BLK: variants seen among roughly 807,000 people sequenced by gnomAD.
BLK encodes the protein BLK proto-oncogene, Src family tyrosine kinase, also known as tyrosine-protein kinase Blk.
BLK carries 64 observed loss-of-function variants against 61.8 expected under a neutral mutation model. That is an observed-to-expected ratio of 1.03 (90% CI 0.85 to 1.27). The LOEUF (loss-of-function observed/expected upper bound fraction) is 1.27, where lower values mean the gene tolerates loss of function less well. BLK is among the 50% of genes most tolerant of loss of function. The pLI is 0.00. For synonymous variants in BLK, 351 were observed against 272.0 expected (o/e 1.29, Z -2.86); for missense variants, 853 against 660.5 (o/e 1.29, Z -3.19).
intron 8 of BLK, 112 bp from the exon 9 acceptor site, chr8:11,556,546 C>G (rs1041564478): frequency 1.5e-6 from 2 of 1,309,532 alleles, no homozygotes; most frequent in Non-Finnish European, 2.2e-6. Flanking sequence ...TGTTCCAGCT[C>G]TGGCACCTGG....
intron 1 of BLK, among the ~76,000 whole-genome samples, chr8:11,512,264 G>C (rs554613566): frequency 1.3e-5 from 2 of 152,194 alleles, no homozygotes; most frequent in African/African-American, 4.8e-5. Flanking sequence ...TCTTCAAGCA[G>C]ACCTGTGGAG....
chr8:11,528,159 C>T (rs1214984305), intron 1 of BLK, among the ~76,000 whole-genome samples: 2 of 152,124 alleles, frequency 1.3e-5, no homozygotes, highest in Non-Finnish European at 2.9e-5. Flanking sequence ...ACCTCAGCCT[C>T]CCAAGTCATT....
intron 1 of BLK, among the ~76,000 whole-genome samples, chr8:11,505,439 A>G (rs1336221381): frequency 6.6e-6 from 1 of 152,130 alleles, no homozygotes. Flanking sequence ...GGTGACCTGG[A>G]CACTCATAAC....
At chr8:11,498,157 C>G (rs1798423857) in intron 1 of BLK, among the ~76,000 whole-genome samples, 2 of 152,210 alleles carry the variant, frequency 1.3e-5, no homozygotes, top group African/African-American at 4.8e-5. Context: ...GATGCTGAAC[C>G]TGGACCAGTG....
At chr8:11,558,636 G>A (rs986116205) in intron 10 of BLK, 10 of 455,880 alleles carry the variant, frequency 2.2e-5, no homozygotes, top group African/African-American at 1.4e-4. Flanking sequence ...CTGGTCCTCA[G>A]TGTCCCTCAC....
chr8:11,545,862 G>A, intron 2 of BLK, 190 bp from the exon 3 acceptor site: 1 of 697,982 alleles, frequency 1.4e-6, no homozygotes, highest in Non-Finnish European at 2.6e-6. Flanking sequence ...GCAGAGGGCG[G>A]GGGTCTGTCT....
chr8:11,539,831 G>C (rs1321091961), intron 1 of BLK, among the ~76,000 whole-genome samples: 1 of 151,996 alleles, frequency 6.6e-6, no homozygotes, highest in African/African-American at 2.4e-5. Flanking sequence ...TTACTATTTG[G>C]GTTTGTGTTG....
In BLK at chr8:11,549,043, G is replaced by C; in HGVS notation, c.289G>C (p.Ala97Pro). The C allele has an allele frequency of 6.2e-7, 1 of 1,610,100 alleles. No homozygotes were observed. The highest frequency in any genetic ancestry group is 2.2e-5 in the East Asian group (1 of 44,836). ...VLKGTGDWWL[A>P]RSLVTGREGY... The stretch of plus-strand genomic sequence containing the variant: ...CATTAGAACTGGAGACTGGTGGCTG[G>C]CCAGGTCACTCGTCACAGGAAGAGA... Residue 97 changes from alanine (A) to proline (P), a missense_variant, in exon 5 of 13, where the codon GCC (alanine) becomes CCC (proline). Ala to Pro is a conservative substitution (Grantham distance 27). Transcript: ENST00000259089.
chr8:11,552,368 T>TACATACATATACATAC (rs1265436641), intron 6 of BLK: 1 of 151,676 alleles, frequency 6.6e-6, no homozygotes, highest in African/African-American at 2.4e-5. Flanking sequence ...TGAATGCATA[T>TACATACATATACATAC]ACATACATAT....
At chr8:11,541,125 G>A (rs1370720114) in intron 1 of BLK, among the ~76,000 whole-genome samples, 1 of 152,040 alleles carries the variant, frequency 6.6e-6, no homozygotes, top group Non-Finnish European at 1.5e-5. Flanking sequence ...AATTTAGTAG[G>A]GCATGGTAGC....
chr8:11,535,740 C>T (rs1275624150), intron 1 of BLK, among the ~76,000 whole-genome samples: 1 of 152,208 alleles, frequency 6.6e-6, no homozygotes, highest in African/African-American at 2.4e-5. Flanking sequence ...CTGTGAGCCT[C>T]CTGGTAGGAT....
chr8:11,545,953 C>G lies in BLK; in HGVS notation c.124-99C>G. On this transcript the variant is annotated intron_variant, in intron 2 of 12. Coordinates refer to ENST00000259089, the MANE Select transcript of BLK (RefSeq NM_001715.3). The stretch of plus-strand genomic sequence containing the variant: ...CTGCCTCTCCTCCTTCAGTAGGTCC[C>G]TGGAGATACCCTGGCTGCCCGGCTC... The G allele has an allele frequency of 2.3e-6, 3 of 1,302,012 alleles. No individual in the cohort carries two copies. In the South Asian group the frequency reaches 3.5e-5, roughly 15 times the overall value. 80.7% of individuals were successfully genotyped at this position (1,302,012 alleles called of 1,614,324 possible). A position where few individuals can be genotyped will look rare whatever the true frequency, so the allele number is the denominator to read the frequency against.
At chr8:11,560,713 C>A in intron 10 of BLK, 1 of 381,880 alleles carries the variant, frequency 2.6e-6, no homozygotes, top group South Asian at 1.9e-5. Flanking sequence ...CCTGGGTGCC[C>A]CCACGGGGCA....
chr8:11,546,254 T>G, intron 3 of BLK, 151 bp downstream of exon 3: 2 of 909,550 alleles, frequency 2.2e-6, no homozygotes, highest in Non-Finnish European at 3.5e-6. Context: ...TCTGTGCCTC[T>G]TGGGGCGTCT....
At chr8:11,511,649 CTTA>C (rs1164274380) in intron 1 of BLK, among the ~76,000 whole-genome samples, 3 of 152,316 alleles carry the variant, frequency 2.0e-5, no homozygotes, top group African/African-American at 4.8e-5. Flanking sequence ...AGGTTTCCCA[CTTA>C]TTATTGTTGA....
intron 1 of BLK, among the ~76,000 whole-genome samples, chr8:11,501,011 C>T (rs1261420656): frequency 1.3e-5 from 2 of 151,900 alleles, no homozygotes; most frequent in African/African-American, 4.8e-5. Context: ...GGGTTCGAGA[C>T]CAGCCTGGCC....
In BLK at chr8:11,546,393, A is replaced by G. The variant is rs192548840; in HGVS notation, c.175+290A>G. ...CCCAGGGAAGACACACAGCATCATCAAACCCAAGTTTTAAAATATGCTAAC... is the reference window on the plus strand; with the variant it reads ...CCCAGGGAAGACACACAGCATCATCGAACCCAAGTTTTAAAATATGCTAAC... On this transcript the variant is annotated intron_variant, in intron 3 of 12. Coordinates refer to ENST00000259089, the MANE Select transcript of BLK (RefSeq NM_001715.3). Among the ~76,000 whole-genome samples the G allele has an allele frequency of 7.2e-5, 11 of 152,300 alleles. No homozygotes were observed. In the East Asian group the frequency reaches 2.1e-3, roughly 29 times the overall value.
intron 3 of BLK, among the ~76,000 whole-genome samples, chr8:11,547,335 C>A (rs573893982): frequency 6.6e-6 from 1 of 152,376 alleles, no homozygotes; most frequent in South Asian, 2.1e-4. Flanking sequence ...GCCACCCCAC[C>A]CGGGGAAGCT....
chr8:11,552,049 A>T (rs1800930321), intron 6 of BLK, among the ~76,000 whole-genome samples: 1 of 152,196 alleles, frequency 6.6e-6, no homozygotes, highest in Admixed American at 6.5e-5. Context: ...TGACAGTGAC[A>T]TCAGAGGAGG....
Sources: gnomAD v4.1 joint callset for allele counts (sites outside exome capture counted in the v4.1 genomes callset) on GRCh38, gnomAD v4.1.1 for gene constraint, MANE v1.5 for transcripts, NCBI Gene and HGNC (gene_info 2026-07-23, HGNC 2026-07-21) for gene names.